The following DPP6 variants were observed in gnomAD, a reference collection of about 807,000 sequenced individuals.
The protein encoded by DPP6 is dipeptidyl peptidase like 6, also known as A-type potassium channel modulatory protein DPP6.
DPP6 carries 69 observed loss-of-function variants against 122.6 expected under a neutral mutation model. The ratio of observed to expected loss-of-function variants is 0.56; its 90% CI spans 0.46 to 0.69. The LOEUF is 0.69. Ranked by LOEUF, DPP6 falls within the 30% of genes least tolerant of loss-of-function variation. DPP6 has a pLI of 0.00. For missense variants in DPP6, 928 were observed against 1,116.9 expected, an observed-to-expected ratio of 0.83 and a Z score of 2.41; for synonymous variants, 418 against 433.1, an observed-to-expected ratio of 0.97 and a Z score of 0.43.
At chr7:154,297,528 C>T (rs140401309) in intron 1 of DPP6, among the ~76,000 whole-genome samples, 32 of 152,308 alleles carry the variant, frequency 2.1e-4, no homozygotes, top group African/African-American at 4.8e-4. Context: ...TCTGCTCTCT[C>T]TTCAGGACAC....
chr7:154,149,094 C>G (rs190400837), intron 1 of DPP6, among the ~76,000 whole-genome samples: 314 of 152,286 alleles, frequency 2.1e-3, no homozygotes, highest in African/African-American at 7.3e-3. Context: ...GGAGCTTCAT[C>G]CCTCCGATGG....
chr7:154,403,638 AC>A lies in DPP6; in HGVS notation c.244-42574del, dbSNP rs1378034958. ...GGCGAAAATGAAAGCATTTCATGGA[AC>A]CTGTTTGGGGCACGTGAAGAGTGGG... On this transcript the variant is annotated intron_variant, in intron 1 of 25. Transcript: ENST00000377770. The surrounding 1 kb of genome is among the most constrained non-coding windows in gnomAD (Gnocchi z 4.1). 6.6e-6 allele frequency among the ~76,000 whole-genome samples: 1 copy of A among 152,180 alleles called. No individual in the cohort carries two copies. The highest frequency in any genetic ancestry group is 2.4e-5 in the African/African-American group (1 of 41,452).
At chr7:153,932,375 G>A (rs1030800325) in intron 1 of DPP6, among the ~76,000 whole-genome samples, 1 of 151,946 alleles carries the variant, frequency 6.6e-6, no homozygotes, top group African/African-American at 2.4e-5. Flanking sequence ...CCCACTCCTC[G>A]GCCTCCCAAA....
chr7:153,900,811 C>T (rs554606767), intron 1 of DPP6, among the ~76,000 whole-genome samples: 28 of 152,222 alleles, frequency 1.8e-4, no homozygotes, highest in African/African-American at 6.5e-4. Flanking sequence ...CAGCCTTATC[C>T]GTAGCACGCT....
intron 21 of DPP6, chr7:154,885,217 G>A (rs942396211): frequency 2.2e-5 from 4 of 182,264 alleles, no homozygotes; most frequent in South Asian, 2.5e-4. Context: ...CAGGACTTGC[G>A]CCCTAAGCCA....
chr7:154,816,924 T>C (rs1431761995), intron 16 of DPP6, among the ~76,000 whole-genome samples: 3 of 152,166 alleles, frequency 2.0e-5, no homozygotes, highest in Non-Finnish European at 4.4e-5. Flanking sequence ...CCAGAGTGCA[T>C]GTGTCCACCG....
chr7:153,897,908 C>T (rs1320047808), intron 1 of DPP6, among the ~76,000 whole-genome samples: 2 of 152,148 alleles, frequency 1.3e-5, no homozygotes, highest in Non-Finnish European at 2.9e-5. Context: ...CATTAGTGAA[C>T]TGATAGAAAA....
chr7:154,707,543 A>G (rs1840904404), intron 7 of DPP6, among the ~76,000 whole-genome samples: 1 of 152,198 alleles, frequency 6.6e-6, no homozygotes, highest in Admixed American at 6.5e-5. Flanking sequence ...CCAACTGCTC[A>G]GCACCTCGCC....
the DPP6 span, among the ~76,000 whole-genome samples, chr7:153,853,011 A>C: frequency 4.2e-4 from 64 of 152,256 alleles, no homozygotes; most frequent in Non-Finnish European, 6.9e-4. Flanking sequence ...AACCCCAGCC[A>C]TTTGTACACA....
rs563807505 is a variant in DPP6 at position 154,883,248 on chromosome 7, G to A, written c.2133+2306G>A. On this transcript the variant is annotated intron_variant, in intron 21 of 25. Transcript: ENST00000377770. Reference sequence around the variant, plus strand: ...ACACAATGCTCACACATTCACACACGCTCACCCATACACCTGCTCTCACAC... The same window carrying A: ...ACACAATGCTCACACATTCACACACACTCACCCATACACCTGCTCTCACAC... 2.5e-4 allele frequency among the ~76,000 whole-genome samples: 32 copies of A among 129,674 alleles called. No individual in the cohort carries two copies. The East Asian group carries it at 4.7e-3, about 19-fold the overall frequency. The allele number at this position is 129,674 out of a possible 152,430, so 85.1% of individuals were successfully genotyped here. A position where few individuals can be genotyped will look rare whatever the true frequency, so the allele number is the denominator to read the frequency against.
chr7:153,754,685 G>A, the DPP6 span, among the ~76,000 whole-genome samples: 2 of 151,898 alleles, frequency 1.3e-5, no homozygotes, highest in African/African-American at 4.8e-5. Context: ...AGCTTATATT[G>A]CTTTACAGGT....
chr7:154,169,353 A>G (rs1326532472), intron 1 of DPP6, among the ~76,000 whole-genome samples: 2 of 152,130 alleles, frequency 1.3e-5, no homozygotes, highest in Non-Finnish European at 2.9e-5. Flanking sequence ...CATCACCAAA[A>G]TGGAGCACAG....
At chr7:154,632,787 G>T (rs1835486137) in intron 5 of DPP6, among the ~76,000 whole-genome samples, 2 of 152,146 alleles carry the variant, frequency 1.3e-5, no homozygotes, top group East Asian at 1.9e-4. Flanking sequence ...TACAGAGAAA[G>T]AAAAGACCTT....
chr7:154,270,122 G>A (rs1049058840), intron 1 of DPP6, among the ~76,000 whole-genome samples: 32 of 152,126 alleles, frequency 2.1e-4, no homozygotes, highest in African/African-American at 7.2e-4. Flanking sequence ...AGTTTAACAT[G>A]TGGGAAGAGT....
At chr7:154,791,154 A>T (rs1797651452) in intron 10 of DPP6, among the ~76,000 whole-genome samples, 1 of 152,164 alleles carries the variant, frequency 6.6e-6, no homozygotes, top group East Asian at 1.9e-4. Context: ...TGGGAGGCTG[A>T]GGCATGAGAA....
chr7:153,763,891 T>G, the DPP6 span, among the ~76,000 whole-genome samples: 1 of 152,232 alleles, frequency 6.6e-6, no homozygotes, highest in South Asian at 2.1e-4. Flanking sequence ...GAAAATGATG[T>G]GTAATGTACA....
intron 1 of DPP6, among the ~76,000 whole-genome samples, chr7:154,041,987 G>C (rs561367125): frequency 2.0e-5 from 3 of 152,224 alleles, no homozygotes; most frequent in African/African-American, 7.2e-5. Flanking sequence ...TCGATTTCCC[G>C]ACCTCGTGAT....
chr7:154,535,971 C>G (rs1235209605), intron 3 of DPP6, among the ~76,000 whole-genome samples: 1 of 152,076 alleles, frequency 6.6e-6, no homozygotes, highest in African/African-American at 2.4e-5. Flanking sequence ...GGCAGTTTCC[C>G]ATAAAGTTAA....
chr7:154,322,061 C>T (rs1390358277), intron 1 of DPP6, among the ~76,000 whole-genome samples: 2 of 150,678 alleles, frequency 1.3e-5, no homozygotes, highest in Non-Finnish European at 3.0e-5. Context: ...AACCCCCAAC[C>T]CCCAGCTTAG....
Sources: gnomAD v4.1 joint callset for allele counts (sites outside exome capture counted in the v4.1 genomes callset) on GRCh38, gnomAD v4.1.1 for gene constraint, Gnocchi (gnomAD v3.1) non-coding constraint, MANE v1.5 for transcripts, NCBI Gene and HGNC (gene_info 2026-07-23, HGNC 2026-07-21) for gene names.